Variants in RAB3C observed in about 807,000 individuals in gnomAD.
The protein encoded by RAB3C is RAB3C, member RAS oncogene family, also known as ras-related protein Rab-3C.
In RAB3C, 17 loss-of-function variants were observed where a neutral mutation model predicts 26.4. That is an observed-to-expected ratio of 0.64 (90% CI 0.44 to 0.97). The LOEUF is 0.97. Ranked by LOEUF, RAB3C falls within the 50% of genes least tolerant of loss-of-function variation. The pLI is 0.00. For missense variants in RAB3C, 242 were observed against 281.9 expected (o/e 0.86, Z 1.01); for synonymous variants, 91 against 95.9 (o/e 0.95, Z 0.30).
At chr5:58,786,743 T>C (rs980513127) in intron 3 of RAB3C, among the ~76,000 whole-genome samples, 2 of 151,582 alleles carry the variant, frequency 1.3e-5, no homozygotes, top group African/African-American at 4.9e-5. Flanking sequence ...AGACCCAATC[T>C]AGGAAGTAAA....
intron 2 of RAB3C, among the ~76,000 whole-genome samples, chr5:58,721,482 A>G (rs1740761356): frequency 6.6e-6 from 1 of 151,834 alleles, no homozygotes; most frequent in Non-Finnish European, 1.5e-5. Context: ...GCAAATTGGG[A>G]AAAGATACCA....
intron 2 of RAB3C, among the ~76,000 whole-genome samples, chr5:58,669,718 C>T (rs1305283732): frequency 6.6e-6 from 1 of 152,108 alleles, no homozygotes; most frequent in Non-Finnish European, 1.5e-5. Context: ...ATATTAACTC[C>T]ATAGAGTTAA....
intron 4 of RAB3C, among the ~76,000 whole-genome samples, chr5:58,850,032 A>G (rs2112089968): frequency 6.6e-6 from 1 of 152,316 alleles, no homozygotes; most frequent in Middle Eastern, 3.4e-3. Context: ...AAGCCTTTCT[A>G]TGTTCAGCCC....
rs1203917821 is a variant in RAB3C, at chr5:58,846,449, T to G, written c.497-4715T>G. 2.0e-5 allele frequency among the ~76,000 whole-genome samples: 3 copies of G among 152,110 alleles called. No individual in the cohort carries two copies. In the East Asian group the frequency reaches 5.8e-4, roughly 29 times the overall value. ...GGCTGGAGTGCAGTGACGTGAACACTGCTCACTGCAGCCTTGACCTCCCAG... is the reference window on the plus strand; with the variant it reads ...GGCTGGAGTGCAGTGACGTGAACACGGCTCACTGCAGCCTTGACCTCCCAG... On this transcript the variant is annotated intron_variant, in intron 4 of 4. Transcript: ENST00000282878.
chr5:58,634,140 CA>C (rs34850062), intron 2 of RAB3C, among the ~76,000 whole-genome samples: 54,864 of 135,932 alleles, frequency 0.4, 9,989 homozygotes, highest in Admixed American at 0.47. Context: ...GACTCCATCT[CA>C]AAAAAAAAAA....
At chr5:58,691,747 T>G (rs1436731710) in intron 2 of RAB3C, among the ~76,000 whole-genome samples, 2 of 152,220 alleles carry the variant, frequency 1.3e-5, no homozygotes, top group African/African-American at 2.4e-5. Flanking sequence ...AATGTATATT[T>G]TTTTGCATAA....
At chr5:58,703,218 T>C (rs951071700) in intron 2 of RAB3C, among the ~76,000 whole-genome samples, 1 of 152,196 alleles carries the variant, frequency 6.6e-6, no homozygotes, top group South Asian at 2.1e-4. Context: ...ATTTCGTTCT[T>C]GTTGCCCAGG....
intron 3 of RAB3C, among the ~76,000 whole-genome samples, chr5:58,766,993 A>G (rs572349744): frequency 6.7e-6 from 1 of 149,768 alleles, no homozygotes; most frequent in Admixed American, 6.8e-5. Flanking sequence ...GCACAAGTGT[A>G]TACCCACATA....
At position 58,605,944 on chromosome 5, in the gene RAB3C, A is replaced by T. The variant is rs542096103; in HGVS notation, c.25-11699A>T. On this transcript the variant is annotated intron_variant, in intron 1 of 4. Coordinates refer to ENST00000282878, the MANE Select transcript of RAB3C (RefSeq NM_138453.4). ...GAGGTCTTCCGTTCCAAGATGGCCA[A>T]ATAGGAACAGCTCTGGTCTGCAGCT... is the stretch of plus-strand genomic sequence containing the variant. 9.9e-4 allele frequency among the ~76,000 whole-genome samples: 151 copies of T among 152,284 alleles called. No homozygotes were observed. The South Asian group carries it at 0.029, about 29-fold the overall frequency.
At chr5:58,600,428 G>T (rs1257248706) in intron 1 of RAB3C, among the ~76,000 whole-genome samples, 1 of 152,016 alleles carries the variant, frequency 6.6e-6, no homozygotes, top group Non-Finnish European at 1.5e-5. Flanking sequence ...ATTGCTTTTG[G>T]CAGTATGGTC....
chr5:58,683,546 A>G (rs1030823497), intron 2 of RAB3C, among the ~76,000 whole-genome samples: 2 of 152,228 alleles, frequency 1.3e-5, no homozygotes, highest in Non-Finnish European at 2.9e-5. Context: ...ATGGCTTAAA[A>G]AAACACAAAT....
Position 58,693,353 on chromosome 5 carries a change from T to TATATATATATATATATATATATATAC in RAB3C, c.253-32640_253-32639insTATATATATATATATACATATATATA, listed in dbSNP as rs911414778. ...ATATATGTGTATATATATATATATA[T>TATATATATATATATATATATATATAC]ATATATATAAAATTTCTTAAAACCT... On this transcript the variant is annotated intron_variant, in intron 2 of 4. Transcript: ENST00000282878. Among the ~76,000 whole-genome samples, 27 of 142,258 alleles carry TATATATATATATATATATATATATAC rather than the reference T, an allele frequency of 1.9e-4. 1 individual carries two copies. Among genetic ancestry groups the TATATATATATATATATATATATATAC allele is most frequent in the African/African-American group, 7.0e-4 (26 of 36,998 alleles). The allele number at this position is 142,258 out of a possible 152,430, so 93.3% of individuals were successfully genotyped here. A position where few individuals can be genotyped will look rare whatever the true frequency, so the allele number is the denominator to read the frequency against.
chr5:58,715,637 TG>T (rs1043976341), intron 2 of RAB3C, among the ~76,000 whole-genome samples: 17 of 152,270 alleles, frequency 1.1e-4, no homozygotes, highest in African/African-American at 3.8e-4. Flanking sequence ...GATGAAAATA[TG>T]GTTCTGGAAT....
intron 3 of RAB3C, among the ~76,000 whole-genome samples, chr5:58,765,619 G>T (rs939596069): frequency 2.0e-5 from 3 of 152,120 alleles, no homozygotes; most frequent in Non-Finnish European, 4.4e-5. Context: ...ATATTGTTAT[G>T]AAAGTTATAT....
intron 1 of RAB3C, among the ~76,000 whole-genome samples, chr5:58,591,858 G>A (rs536563549): frequency 1.4e-5 from 2 of 143,640 alleles, no homozygotes; most frequent in South Asian, 4.6e-4. Flanking sequence ...CATATTTTTA[G>A]GTATTTCAAT....
At chr5:58,803,715 T>C (rs1055181920) in intron 3 of RAB3C, among the ~76,000 whole-genome samples, 6 of 152,170 alleles carry the variant, frequency 3.9e-5, no homozygotes, top group African/African-American at 1.4e-4. Flanking sequence ...TAAAGGCATC[T>C]GGAACAATGA....
chr5:58,591,586 G>C (rs917137049), intron 1 of RAB3C, among the ~76,000 whole-genome samples: 2 of 49,584 alleles, frequency 4.0e-5, no homozygotes, highest in Non-Finnish European at 9.7e-5. Flanking sequence ...TATTTTCATA[G>C]TATATATATA....
intron 3 of RAB3C, among the ~76,000 whole-genome samples, chr5:58,771,527 A>T (rs1191009331): frequency 6.6e-6 from 1 of 152,110 alleles, no homozygotes; most frequent in Non-Finnish European, 1.5e-5. Context: ...ATTTTGTATT[A>T]TTTAGCAACA....
chr5:58,796,315 G>T (rs945479171), intron 3 of RAB3C, among the ~76,000 whole-genome samples: 1 of 152,170 alleles, frequency 6.6e-6, no homozygotes, highest in African/African-American at 2.4e-5. Context: ...TAGCATTAGA[G>T]AAATGCTAAG....
Sources: allele counts gnomAD v4.1 joint callset (sites outside exome capture counted in the v4.1 genomes callset), GRCh38; gene constraint gnomAD v4.1.1; transcripts MANE v1.5; gene names NCBI Gene and HGNC (gene_info 2026-07-23, HGNC 2026-07-21).